The following DSTYK variants were observed in gnomAD, a reference collection of about 807,000 sequenced individuals.
DSTYK encodes the protein RIP-homologous kinase.
DSTYK carries 34 observed loss-of-function variants against 98.7 expected under a neutral mutation model. That is an observed-to-expected ratio of 0.34 (90% CI 0.26 to 0.46). DSTYK has a LOEUF of 0.46. DSTYK is among the 20% of genes least tolerant of loss of function. DSTYK has a pLI of 1.00. For synonymous variants in DSTYK, 462 were observed against 457.3 expected (o/e 1.01, Z -0.13); for missense variants, 962 against 1,181.7 (o/e 0.81, Z 2.73).
rs1187726914 is a variant in DSTYK at position 205,150,806 on chromosome 1, G to A, written c.2353-12C>T. ...TTCTGCTTATCCAGCTGCCAACAAAGCAGGGCAAGAGTCACCTTGTTTCTG... is the reference window on the plus strand; with the variant it reads ...TTCTGCTTATCCAGCTGCCAACAAAACAGGGCAAGAGTCACCTTGTTTCTG... On this transcript the variant is annotated splice_polypyrimidine_tract_variant and intron_variant, in intron 10 of 12. Transcript: ENST00000367162. The surrounding 1 kb of genome is among the most constrained non-coding windows in gnomAD (Gnocchi z 4.1). 1 of 1,610,414 alleles carries A rather than the reference G, an allele frequency of 6.2e-7. No homozygotes were observed. Among genetic ancestry groups the A allele is most frequent in the Non-Finnish European group, 8.5e-7 (1 of 1,176,686 alleles).
rs755650136 is a variant in DSTYK at position 205,169,454 on chromosome 1, T to C, written c.1033A>G (p.Thr345Ala). The change falls in exon 3 of 13, where the codon ACA (threonine) becomes GCA (alanine). Residue 345 changes from threonine to alanine, a missense_variant. Transcript: ENST00000367162. This position sits in a 1 kb window ranked among gnomAD's most constrained non-coding sequence, Gnocchi z 4.0. ...EQSEKLRHLS[T>A]FSHQVLQTRL... ...GTCTGTAACACCTGGTGAGAAAATG[T>C]GCTCAAGTGTCTCAGCTTTTCACTC... The C allele has an allele frequency of 6.2e-7, 1 of 1,614,174 alleles. No homozygotes were observed. Among genetic ancestry groups the C allele is most frequent in the Non-Finnish European group, 8.5e-7 (1 of 1,180,032 alleles).
At chr1:205,197,641 A>ATT (rs1050371712) in intron 1 of DSTYK, among the ~76,000 whole-genome samples, 2 of 152,118 alleles carry the variant, frequency 1.3e-5, no homozygotes, top group African/African-American at 4.8e-5. Context: ...AAATACAGCA[A>ATT]TAACAGGATT....
intron 1 of DSTYK, among the ~76,000 whole-genome samples, chr1:205,195,781 G>T (rs1658848448): frequency 6.6e-6 from 1 of 152,214 alleles, no homozygotes; most frequent in Admixed American, 6.5e-5. Flanking sequence ...CCTCCCTAGG[G>T]GCTGATACTC....
At chr1:205,166,939 GAATA>G (rs1419167709) in intron 3 of DSTYK, among the ~76,000 whole-genome samples, 1 of 152,180 alleles carries the variant, frequency 6.6e-6, no homozygotes, top group East Asian at 1.9e-4. Flanking sequence ...ATATGATGAT[GAATA>G]AGACCCAGAT....
Position 205,187,547 on chromosome 1 carries a change from G to A in DSTYK, c.525C>T (p.His175=). Residue 175 remains histidine, a synonymous_variant, in exon 2 of 13, where the codon CAC becomes CAT. Transcript: ENST00000367162. ...AGTTGCCCTGATGAGCAACCAGCGTGTGCACTAGTTCATACTGTCCAGGGA... is the reference window on the plus strand; with the variant it reads ...AGTTGCCCTGATGAGCAACCAGCGTATGCACTAGTTCATACTGTCCAGGGA... ...LALPGQYELV[H]TLVAHQGNWE... The A allele has an allele frequency of 1.2e-6, 2 of 1,614,134 alleles. No homozygotes were observed. Among genetic ancestry groups the A allele is most frequent in the South Asian group, 1.1e-5 (1 of 91,078 alleles).
chr1:205,162,854 C>T (rs1348249527), intron 5 of DSTYK, 69 bp downstream of exon 5: 1 of 1,172,132 alleles, frequency 8.5e-7, no homozygotes. Context: ...CTGTTTCCTA[C>T]TGGGGTCACT....
intron 2 of DSTYK, among the ~76,000 whole-genome samples, chr1:205,183,359 T>C (rs1658476197): frequency 6.6e-6 from 1 of 152,178 alleles, no homozygotes; most frequent in Non-Finnish European, 1.5e-5. Flanking sequence ...TGTTCCTCTA[T>C]TGTTGAATTA....
chr1:205,204,148 C>T (rs1659133266), intron 1 of DSTYK, among the ~76,000 whole-genome samples: 1 of 152,024 alleles, frequency 6.6e-6, no homozygotes, highest in Non-Finnish European at 1.5e-5. Context: ...TAGGTAGTGC[C>T]ACATTATACT....
At chr1:205,175,789 T>C (rs1455497805) in intron 2 of DSTYK, among the ~76,000 whole-genome samples, 3 of 152,230 alleles carry the variant, frequency 2.0e-5, no homozygotes, top group Non-Finnish European at 2.9e-5. Flanking sequence ...TGGATGGCTA[T>C]ATACCTTCTT....
At chr1:205,175,102 CT>C (rs1338416279) in intron 2 of DSTYK, among the ~76,000 whole-genome samples, 1,730 of 125,584 alleles carry the variant, frequency 0.014, 26 homozygotes, top group African/African-American at 0.045. Context: ...AGAAGCTGCC[CT>C]TTTTTTTTTT....
At position 205,147,598 on chromosome 1, in the gene DSTYK, T is replaced by A. The variant is rs1329872732; in HGVS notation, c.2750A>T (p.Asn917Ile). 1 of 1,613,624 alleles carries A rather than the reference T, an allele frequency of 6.2e-7. No individual in the cohort carries two copies. Among genetic ancestry groups the A allele is most frequent in the Admixed American group, 1.7e-5 (1 of 60,022 alleles). The change falls in exon 13 of 13, where the codon AAT becomes ATT. Residue 917 changes from asparagine (N) to isoleucine (I), a missense_variant. Physicochemically the swap from Asn to Ile is moderately radical, Grantham distance 149. Coordinates refer to ENST00000367162, the MANE Select transcript of DSTYK (RefSeq NM_015375.3). The stretch of plus-strand genomic sequence containing the variant: ...TAGTCCTCTGTTTGGCTGCTCAGAA[T>A]TGGACTTGCAGAGCCGATTCATGAT... ...QGIMNRLCKS[N>I]SEQPNRGLDD...
intron 12 of DSTYK, among the ~76,000 whole-genome samples, chr1:205,147,976 T>C (rs1657292577): frequency 6.6e-6 from 1 of 151,972 alleles, no homozygotes; most frequent in Non-Finnish European, 1.5e-5. Flanking sequence ...CATATGAAGT[T>C]GAAGAATCGG....
chr1:205,159,658 T>A lies in DSTYK; in HGVS notation c.2127A>T (p.Arg709=). Residue 709 remains arginine (R), a synonymous_variant, in exon 9 of 13, where the codon CGA becomes CGT. Transcript: ENST00000367162. ...TGACTGAACCATGGAGATCCACCAA[T>A]CGCTCATGCTTCGGCAGAGACCTGG... ...HYMRSLPKHE[R]LVDLHGSVID... 1 of 1,613,552 alleles carries A rather than the reference T, an allele frequency of 6.2e-7. No homozygotes were observed. Among genetic ancestry groups the A allele is most frequent in the Non-Finnish European group, 8.5e-7 (1 of 1,179,956 alleles).
chr1:205,206,885 A>G (rs1198866952), intron 1 of DSTYK, among the ~76,000 whole-genome samples: 1 of 151,970 alleles, frequency 6.6e-6, no homozygotes, highest in African/African-American at 2.4e-5. Flanking sequence ...TGTTCTAAAC[A>G]TGCACATAGA....
intron 2 of DSTYK, among the ~76,000 whole-genome samples, chr1:205,176,182 A>G (rs1658222348): frequency 6.6e-6 from 1 of 152,194 alleles, no homozygotes; most frequent in Non-Finnish European, 1.5e-5. Context: ...GGCATGATTA[A>G]GAAATGCAAT....
intron 11 of DSTYK, among the ~76,000 whole-genome samples, chr1:205,149,439 A>G (rs1006691603): frequency 9.8e-5 from 15 of 152,322 alleles, no homozygotes; most frequent in South Asian, 8.3e-4. Context: ...TTCGCTGGCA[A>G]TGGAACAATC....
At chr1:205,197,233 G>T (rs551343020) in intron 1 of DSTYK, among the ~76,000 whole-genome samples, 1 of 152,016 alleles carries the variant, frequency 6.6e-6, no homozygotes, top group South Asian at 2.1e-4. Context: ...TTAATTTCTT[G>T]ATTTGGCGAG....
chr1:205,176,744 G>C lies in DSTYK; in HGVS notation c.655-6912C>G, dbSNP rs1037930582. Among the ~76,000 whole-genome samples, 4 of 151,904 alleles carry C rather than the reference G, an allele frequency of 2.6e-5. No individual in the cohort carries two copies. In the South Asian group the frequency reaches 8.3e-4, roughly 32 times the overall value. The stretch of plus-strand genomic sequence containing the variant: ...AGGCATGTGCCACTGTGCCCAGCCA[G>C]TGACGCTATTTTAAATGCCAAGAAG... On this transcript the variant is annotated intron_variant, in intron 2 of 12. Coordinates refer to ENST00000367162, the MANE Select transcript of DSTYK (RefSeq NM_015375.3).
chr1:205,197,829 T>C (rs766436859), intron 1 of DSTYK, among the ~76,000 whole-genome samples: 8 of 152,220 alleles, frequency 5.3e-5, no homozygotes, highest in Non-Finnish European at 7.3e-5. Context: ...CTAAGCAGTA[T>C]AGACCAACAT....
Sources: gnomAD v4.1 joint callset for allele counts (sites outside exome capture counted in the v4.1 genomes callset) on GRCh38, gnomAD v4.1.1 for gene constraint, Gnocchi (gnomAD v3.1) non-coding constraint, MANE v1.5 for transcripts, NCBI Gene and HGNC (gene_info 2026-07-23, HGNC 2026-07-21) for gene names.